Variants in PHC3 observed in about 807,000 individuals in gnomAD.
The protein encoded by PHC3 is polyhomeotic-like protein 3.
PHC3 carries 13 observed loss-of-function variants against 107.4 expected under a neutral mutation model. The ratio of observed to expected loss-of-function variants is 0.12; its 90% confidence interval spans 0.08 to 0.19. The LOEUF (loss-of-function observed/expected upper bound fraction) is 0.19, where lower values mean the gene tolerates loss of function less well. Ranked by LOEUF, PHC3 falls within the 10% of genes least tolerant of loss-of-function variation. The probability of loss-of-function intolerance (pLI) is 1.00; values close to 1 mark genes in which losing one functional copy is unlikely to be tolerated. For missense variants in PHC3, 992 were observed against 1,210.9 expected, an observed-to-expected ratio of 0.82 and a Z score of 2.68; for synonymous variants, 456 against 427.4, an observed-to-expected ratio of 1.07 and a Z score of -0.83.
intron 4 of PHC3, among the ~76,000 whole-genome samples, chr3:170,167,155 T>G (rs549599327): frequency 6.6e-6 from 1 of 152,162 alleles, no homozygotes; most frequent in Non-Finnish European, 1.5e-5. Flanking sequence ...TGTGCATATA[T>G]TTCTATTTTT....
rs376278431 is a variant in PHC3 at position 170,089,416 on chromosome 3, C to T, written c.*7814G>A. The T allele has an allele frequency of 2.0e-5, 3 of 152,088 alleles. No individual in the cohort carries two copies. The highest frequency in any genetic ancestry group is 2.1e-4 in the South Asian group (1 of 4,824). The allele number at this position is 152,088 out of a possible 1,614,324, so 9.4% of individuals were successfully genotyped here. ...AGCATGGAACTGTTTCATGTTTACC[C>T]GTTCTACATTTAAAGGATGCCCTTT... On this transcript the variant is annotated 3_prime_UTR_variant, in exon 15 of 15. Coordinates refer to ENST00000495893, the MANE Select transcript of PHC3 (RefSeq NM_024947.4).
At chr3:170,137,641 C>T (rs114688413) in intron 6 of PHC3, among the ~76,000 whole-genome samples, 1,857 of 152,240 alleles carry the variant, frequency 0.012, 40 homozygotes, top group African/African-American at 0.042. Context: ...AAAGCTATAC[C>T]TTCTCCCAGC....
At chr3:170,110,375 C>A (rs1717398901) in intron 11 of PHC3, among the ~76,000 whole-genome samples, 1 of 152,184 alleles carries the variant, frequency 6.6e-6, no homozygotes, top group Admixed American at 6.6e-5. Flanking sequence ...CTACTCTTCA[C>A]TGCCCTCTCT....
At chr3:170,112,462 A>T (rs1256663863) in intron 11 of PHC3, among the ~76,000 whole-genome samples, 7 of 147,346 alleles carry the variant, frequency 4.8e-5, no homozygotes, top group African/African-American at 1.5e-4. Flanking sequence ...TGACCTTGTG[A>T]TCCACCCACC....
chr3:170,156,490 G>A (rs1260911995), intron 4 of PHC3, among the ~76,000 whole-genome samples: 2 of 152,160 alleles, frequency 1.3e-5, no homozygotes, highest in Admixed American at 1.3e-4. Flanking sequence ...GACCTGAAGT[G>A]ATCTACCCAC....
At position 170,106,915 on chromosome 3, in the gene PHC3, G is replaced by A. The variant is rs186097429; in HGVS notation, c.2385C>T (p.Leu795=). ...ETLEEMDSEL[L]KCEFCGKMGY... ...CCATTTTCCCACAGAATTCACACTT[G>A]AGCAACTCACTGTCCATTTCTTCTA... The change falls in exon 12 of 15, where the codon CTC becomes CTT. Residue 795 remains leucine (L), a synonymous_variant. Transcript: ENST00000495893. 6.2e-7 allele frequency: 1 copy of A among 1,611,152 alleles called. No individual in the cohort carries two copies. Among genetic ancestry groups the A allele is most frequent in the South Asian group, 1.1e-5 (1 of 90,658 alleles).
chr3:170,129,611 C>G (rs1028360268), intron 7 of PHC3, 59 bp from the exon 8 acceptor site: 10 of 1,457,748 alleles, frequency 6.9e-6, no homozygotes, highest in Admixed American at 2.0e-5. Context: ...ATTTTTAAAT[C>G]ACTCTAAAGG....
intron 4 of PHC3, among the ~76,000 whole-genome samples, chr3:170,151,247 G>A (rs1725918051): frequency 6.6e-6 from 1 of 152,082 alleles, no homozygotes; most frequent in South Asian, 2.1e-4. Context: ...TTTTTAAACA[G>A]AGAATAATAT....
chr3:170,166,277 C>G (rs1728730724), intron 4 of PHC3, among the ~76,000 whole-genome samples: 1 of 152,098 alleles, frequency 6.6e-6, no homozygotes, highest in South Asian at 2.1e-4. Flanking sequence ...CTCCTGACCT[C>G]AAGTGATCTA....
chr3:170,102,353 T>C (rs760890337), intron 14 of PHC3, 126 bp downstream of exon 14: 18 of 1,458,864 alleles, frequency 1.2e-5, no homozygotes, highest in Non-Finnish European at 1.4e-5. Context: ...ATAACAAATG[T>C]CATTTTATTT....
At chr3:170,109,781 T>C (rs1717265737) in intron 11 of PHC3, among the ~76,000 whole-genome samples, 2 of 152,140 alleles carry the variant, frequency 1.3e-5, no homozygotes, top group Admixed American at 1.3e-4. Context: ...ATAGAACCAG[T>C]CTAAAGAGAA....
At chr3:170,159,183 C>T (rs1235696168) in intron 4 of PHC3, among the ~76,000 whole-genome samples, 4 of 137,246 alleles carry the variant, frequency 2.9e-5, no homozygotes, top group African/African-American at 5.5e-5. Flanking sequence ...ACCTGGGAGG[C>T]GGAGCTTGCA....
At chr3:170,114,260 C>A (rs1182118087) in intron 10 of PHC3, among the ~76,000 whole-genome samples, 1 of 152,174 alleles carries the variant, frequency 6.6e-6, no homozygotes, top group Non-Finnish European at 1.5e-5. Flanking sequence ...CCACCCACCT[C>A]AGCCTCCCGA....
rs554386589 is a variant in PHC3, at chr3:170,120,666, A to T, written c.1942+1925T>A. Among the ~76,000 whole-genome samples the T allele has an allele frequency of 2.0e-5, 3 of 152,340 alleles. No homozygotes were observed. The South Asian group carries it at 6.2e-4, about 32-fold the overall frequency. ...TTTCAGGAGGAGGAAAAGATAAAAG[A>T]AAATTAAATTTCCCCTTTTATGCTC... On this transcript the variant is annotated intron_variant, in intron 9 of 14. Transcript: ENST00000495893.
chr3:170,149,318 C>A, intron 4 of PHC3, 74 bp from the exon 5 acceptor site: 1 of 1,427,374 alleles, frequency 7.0e-7, no homozygotes, highest in Non-Finnish European at 9.4e-7. Flanking sequence ...CACCGAGCTG[C>A]AGTTAGGCAA....
intron 4 of PHC3, chr3:170,169,851 C>A (rs1207336916): frequency 6.6e-6 from 1 of 152,088 alleles, no homozygotes; most frequent in African/African-American, 2.4e-5. Flanking sequence ...CCTTCAGTAG[C>A]CCACAAAATA....
At chr3:170,101,447 T>C (rs924454139) in intron 14 of PHC3, among the ~76,000 whole-genome samples, 1 of 152,174 alleles carries the variant, frequency 6.6e-6, no homozygotes, top group Non-Finnish European at 1.5e-5. Context: ...AAAGACTAAT[T>C]AGCAACAACA....
intron 2 of PHC3, among the ~76,000 whole-genome samples, chr3:170,178,143 T>TAA (rs1159872371): frequency 6.8e-6 from 1 of 146,066 alleles, no homozygotes; most frequent in African/African-American, 2.7e-5. Context: ...AAGGAAAATT[T>TAA]TTTTTTTTTT....
intron 5 of PHC3, 126 bp downstream of exon 5, chr3:170,148,960 G>A (rs543094810): frequency 9.1e-5 from 81 of 885,556 alleles, no homozygotes; most frequent in East Asian, 2.1e-4. Context: ...AGGCACGCCC[G>A]CATGCACACA....
Sources: allele counts gnomAD v4.1 joint callset (sites outside exome capture counted in the v4.1 genomes callset), GRCh38; gene constraint gnomAD v4.1.1; transcripts MANE v1.5; gene names NCBI Gene and HGNC (gene_info 2026-07-23, HGNC 2026-07-21).